Variants in MAP4K5 observed in about 807,000 individuals in gnomAD.
MAP4K5 encodes the protein mitogen-activated protein kinase kinase kinase kinase 5.
In MAP4K5, 82 loss-of-function variants were observed where a neutral mutation model predicts 135.6. The ratio of observed to expected loss-of-function variants is 0.60; its 90% CI spans 0.51 to 0.73. The LOEUF (loss-of-function observed/expected upper bound fraction) is 0.73. Ranked by LOEUF, MAP4K5 falls within the 30% of genes least tolerant of loss-of-function variation. The pLI is 0.00. For missense variants in MAP4K5, 907 were observed against 1,010.9 expected, an observed-to-expected ratio of 0.90 and a Z score of 1.39; for synonymous variants, 347 against 335.0, an observed-to-expected ratio of 1.04 and a Z score of -0.39.
In MAP4K5 at chr14:50,445,030, GC is replaced by G. The variant is rs2036311494; in HGVS notation, c.1339+10del. On this transcript the variant is annotated intron_variant, in intron 18 of 32. Coordinates refer to ENST00000682126, the MANE Select transcript of MAP4K5 (RefSeq NM_006575.6). The stretch of plus-strand genomic sequence containing the variant: ...TATGTACCCCATGGCTGCTAATAAT[GC>G]TAGCCATACCAATAGAAGAAGTCTC... 6.2e-7 allele frequency: 1 copy of G among 1,611,366 alleles called. No homozygotes were observed. Among genetic ancestry groups the G allele is most frequent in the East Asian group, 2.2e-5 (1 of 44,812 alleles).
intron 25 of MAP4K5, 69 bp from the exon 26 acceptor site, chr14:50,437,603 T>C: frequency 9.3e-7 from 1 of 1,076,778 alleles, no homozygotes; most frequent in Admixed American, 2.6e-5. Context: ...GTAAATCAGT[T>C]GCATCAGAAT....
At chr14:50,427,547 T>A (rs115160019) in intron 30 of MAP4K5, among the ~76,000 whole-genome samples, 178 of 152,308 alleles carry the variant, frequency 1.2e-3, no homozygotes, top group African/African-American at 4.1e-3. Context: ...ATCGTGTTTT[T>A]AAAAATATGT....
At chr14:50,477,621 C>T (rs912251724) in intron 6 of MAP4K5, among the ~76,000 whole-genome samples, 4 of 152,126 alleles carry the variant, frequency 2.6e-5, no homozygotes, top group Non-Finnish European at 4.4e-5. Flanking sequence ...TTCACAGGTA[C>T]GCTTTATCAG....
intron 2 of MAP4K5, among the ~76,000 whole-genome samples, chr14:50,520,042 G>A (rs2038115431): frequency 6.6e-6 from 1 of 152,204 alleles, no homozygotes; most frequent in Admixed American, 6.5e-5. Flanking sequence ...AGGGATGCAT[G>A]CATGTGAGAA....
At chr14:50,464,875 G>A (rs184051694) in intron 11 of MAP4K5, among the ~76,000 whole-genome samples, 1 of 152,194 alleles carries the variant, frequency 6.6e-6, no homozygotes, top group Admixed American at 6.5e-5. Context: ...AGACAGTATC[G>A]GGACTGGCAA....
At chr14:50,509,867 T>C (rs911799373) in intron 2 of MAP4K5, among the ~76,000 whole-genome samples, 1 of 152,158 alleles carries the variant, frequency 6.6e-6, no homozygotes, top group Non-Finnish European at 1.5e-5. Context: ...CAGAAAAACA[T>C]CTTTGAACAT....
intron 18 of MAP4K5, among the ~76,000 whole-genome samples, chr14:50,444,314 T>C (rs1439885971): frequency 6.6e-6 from 1 of 152,204 alleles, no homozygotes; most frequent in Non-Finnish European, 1.5e-5. Context: ...ATAATTGAAC[T>C]TCAATCCACC....
chr14:50,538,089 G>C (rs973654018), intron 2 of MAP4K5, among the ~76,000 whole-genome samples: 1 of 152,198 alleles, frequency 6.6e-6, no homozygotes, highest in Admixed American at 6.5e-5. Context: ...CCACGTGAGA[G>C]AGGGACCTGG....
In MAP4K5 at chr14:50,462,721, C is replaced by A. The variant is rs1358488014; in HGVS notation, c.880G>T (p.Val294Leu). 1.4e-5 allele frequency: 22 copies of A among 1,603,888 alleles called. No homozygotes were observed. The highest frequency in any genetic ancestry group is 1.8e-5 in the Non-Finnish European group (21 of 1,177,302). ...RALAVELLDK[V>L]NNPDNHAHYT... Reference sequence around the variant, plus strand: ...TGTGCGTGGTTATCTGGATTGTTCACTTTGTCTAACAGTTCAACTGCTAGG... The same window carrying A: ...TGTGCGTGGTTATCTGGATTGTTCAATTTGTCTAACAGTTCAACTGCTAGG... Residue 294 changes from valine to leucine, a missense_variant, in exon 13 of 33, where the codon GTG (valine) becomes TTG (leucine). Val to Leu is a conservative substitution (Grantham distance 32). This residue lies in a region of MAP4K5 where 690 missense variants were observed against 777.4 expected (regional missense o/e 0.89). Transcript: ENST00000682126.
At chr14:50,466,177 G>A (rs150288524) in intron 11 of MAP4K5, among the ~76,000 whole-genome samples, 17 of 152,112 alleles carry the variant, frequency 1.1e-4, no homozygotes, top group African/African-American at 3.9e-4. Context: ...AGGAGTTTGA[G>A]ACCAGCCTGG....
In MAP4K5 at chr14:50,418,971, A is replaced by C. The variant is rs1304914176; in HGVS notation, c.*1048T>G. 2.0e-5 allele frequency: 3 copies of C among 152,182 alleles called. No individual in the cohort carries two copies. The highest frequency in any genetic ancestry group is 7.2e-5 in the African/African-American group (3 of 41,452). The allele number at this position is 152,182 out of a possible 1,614,324, so 9.4% of individuals were successfully genotyped here. ...ATCCCATCAGGAATTCAATTCATTT[A>C]AATATTTTTTTTCTTCTTCAACCTA... On this transcript the variant is annotated 3_prime_UTR_variant, in exon 33 of 33. Coordinates refer to ENST00000682126, the MANE Select transcript of MAP4K5 (RefSeq NM_006575.6).
rs544168946 is a variant in MAP4K5 at position 50,484,511 on chromosome 14, T to C, written c.322+1067A>G. Among the ~76,000 whole-genome samples, 3 of 152,340 alleles carry C rather than the reference T, an allele frequency of 2.0e-5. No homozygotes were observed. In the South Asian group the frequency reaches 6.2e-4, roughly 32 times the overall value. On this transcript the variant is annotated intron_variant, in intron 5 of 32. Coordinates refer to ENST00000682126, the MANE Select transcript of MAP4K5 (RefSeq NM_006575.6). ...GCTATACATTTACATTCTATATTTATACTTATAAAAATGTAATTTTTAAAA... is the reference window on the plus strand; with the variant it reads ...GCTATACATTTACATTCTATATTTACACTTATAAAAATGTAATTTTTAAAA...
intron 30 of MAP4K5, among the ~76,000 whole-genome samples, chr14:50,426,718 C>T (rs747209069): frequency 1.6e-4 from 25 of 152,034 alleles, no homozygotes; most frequent in Non-Finnish European, 2.9e-4. Context: ...AGCGAGACTC[C>T]GTCTCAAACA....
Position 50,486,157 on chromosome 14 carries a change from C to A in MAP4K5, c.204G>T (p.Met68Ile). Reference protein sequence around the residue: ...DFSLIQQEIFMVKECKHCNIV... With the variant: ...DFSLIQQEIFIVKECKHCNIV... ...TGTTACAATGTTTACATTCTTTAAC[C>A]ATAAATATTTCTTGTTGAATCAAAG... The change falls in exon 4 of 33, where the codon ATG becomes ATT. Residue 68 changes from methionine to isoleucine, a missense_variant. Physicochemically the swap from Met to Ile is conservative, Grantham distance 10. This residue lies in a region of MAP4K5 where 196 missense variants were observed against 189.3 expected (regional missense o/e 1.04). Transcript: ENST00000682126. 7.1e-7 allele frequency: 1 copy of A among 1,408,434 alleles called. No homozygotes were observed. The allele number at this position is 1,408,434 out of a possible 1,614,324, so 87.2% of individuals were successfully genotyped here. A position where few individuals can be genotyped will look rare whatever the true frequency, so the allele number is the denominator to read the frequency against.
At chr14:50,422,587 GAAAA>G (rs1028863834) in intron 32 of MAP4K5, among the ~76,000 whole-genome samples, 2 of 150,718 alleles carry the variant, frequency 1.3e-5, no homozygotes, top group Non-Finnish European at 3.0e-5. Flanking sequence ...AAAAAAAAAA[GAAAA>G]AAAGAAGTAG....
chr14:50,469,561 GA>G (rs1162066997), intron 9 of MAP4K5, among the ~76,000 whole-genome samples: 1 of 152,184 alleles, frequency 6.6e-6, no homozygotes, highest in Non-Finnish European at 1.5e-5. Flanking sequence ...AGGATAGTGT[GA>G]AATCAGGTGA....
chr14:50,555,679 C>T (rs1406994032), intron 1 of MAP4K5, among the ~76,000 whole-genome samples: 3 of 152,046 alleles, frequency 2.0e-5, no homozygotes, highest in Non-Finnish European at 4.4e-5. Context: ...TTATTTCAGC[C>T]GTTGTAATTT....
chr14:50,454,675 T>G (rs751329860), intron 14 of MAP4K5, among the ~76,000 whole-genome samples: 1 of 152,076 alleles, frequency 6.6e-6, no homozygotes, highest in Non-Finnish European at 1.5e-5. Flanking sequence ...GGGCTAATAT[T>G]ATGGAATATA....
At chr14:50,559,919 G>C in intron 1 of MAP4K5, 1 of 372,524 alleles carries the variant, frequency 2.7e-6, no homozygotes. Flanking sequence ...TAAATTCTTT[G>C]AGAGTGTGTT....
Sources: allele counts gnomAD v4.1 joint callset (sites outside exome capture counted in the v4.1 genomes callset), GRCh38; gene constraint gnomAD v4.1.1; regional missense constraint gnomAD v4.1.1; transcripts MANE v1.5; gene names NCBI Gene and HGNC (gene_info 2026-07-23, HGNC 2026-07-21).